Variants in CHRNA10 observed in about 807,000 individuals in gnomAD.
The protein encoded by CHRNA10 is neuronal acetylcholine receptor subunit alpha-10.
A neutral mutation model predicts 36.0 loss-of-function variants in CHRNA10; 31 were observed. The ratio of observed to expected loss-of-function variants is 0.86; its 90% confidence interval spans 0.65 to 1.16. The LOEUF (loss-of-function observed/expected upper bound fraction) is 1.16, where lower values mean the gene tolerates loss of function less well. Among genes scored for constraint, CHRNA10 ranks in the 50% most tolerant of loss-of-function variants. The pLI is 0.00. For missense variants in CHRNA10, 648 were observed against 640.9 expected, an observed-to-expected ratio of 1.01 and a Z score of -0.12; for synonymous variants, 302 against 287.0, an observed-to-expected ratio of 1.05 and a Z score of -0.53.
In CHRNA10 at chr11:3,667,492, C is replaced by T. The variant is rs1385246856; in HGVS notation, c.635G>A (p.Arg212His). 2.5e-6 allele frequency: 4 copies of T among 1,581,010 alleles called. No homozygotes were observed. The highest frequency in any genetic ancestry group is 1.1e-5 in the South Asian group (1 of 89,186). ...GGAGCAGCAGCCGTAGGTGAGCACG[C>T]GCCGCCGCGCCGGCATGCCCAGCAC... Reference protein sequence around the residue: ...WRVLGMPARRRVLTYGCCSEP... With the variant: ...WRVLGMPARRHVLTYGCCSEP... The change falls in exon 4 of 5, where the codon CGC (arginine) becomes CAC (histidine). Residue 212 changes from arginine (R) to histidine (H), a missense_variant. Transcript: ENST00000250699.
In CHRNA10 at chr11:3,669,863, G is replaced by A. The variant is rs57652919; in HGVS notation, c.140C>T (p.Pro47Leu). 1.2e-6 allele frequency: 2 copies of A among 1,614,112 alleles called. No homozygotes were observed. The highest frequency in any genetic ancestry group is 4.5e-5 in the East Asian group (2 of 44,880). ...LFANYTSALR[P>L]VADTDQTLNV... ...CAGAGTCTGGTCTGTGTCTGCCACA[G>A]GTCTCAGGGCACTTGTGTAGTTGGC... The change falls in exon 2 of 5, where the codon CCT becomes CTT. Residue 47 changes from proline (P) to leucine (L), a missense_variant. By Grantham distance (98) the Pro-to-Leu change is moderately conservative. Transcript: ENST00000250699.
intron 2 of CHRNA10, 39 bp downstream of exon 2, chr11:3,669,757 C>T (rs1564790258): frequency 3.1e-6 from 5 of 1,612,064 alleles, no homozygotes; most frequent in Non-Finnish European, 4.2e-6. Flanking sequence ...GACACTGTGA[C>T]AGGTAAGACT....
intron 3 of CHRNA10, 99 bp from the exon 4 acceptor site, chr11:3,667,863 C>T: frequency 9.5e-7 from 1 of 1,054,610 alleles, no homozygotes; most frequent in Non-Finnish European, 1.3e-6. Flanking sequence ...CTGAAAGAAA[C>T]CAAAACTTCT....
chr11:3,665,883 CCT>C lies in CHRNA10; in HGVS notation c.*222_*223del, dbSNP rs1254230214. The C allele has an allele frequency of 2.1e-5, 10 of 478,246 alleles. No individual in the cohort carries two copies. The highest frequency in any genetic ancestry group is 2.9e-5 in the Non-Finnish European group (8 of 273,508). 29.6% of individuals were successfully genotyped at this position (478,246 alleles called of 1,614,324 possible). A position where few individuals can be genotyped will look rare whatever the true frequency, so the allele number is the denominator to read the frequency against. ...CTGTGATCTTGGCCTTTGTAGAGTT[CCT>C]CTTTTTTTTGGAATTAGGGGAGTGG... On this transcript the variant is annotated 3_prime_UTR_variant, in exon 5 of 5. Coordinates refer to ENST00000250699, the MANE Select transcript of CHRNA10 (RefSeq NM_020402.4).
At position 3,669,887 on chromosome 11, in the gene CHRNA10, G is replaced by A. The variant is rs760908196; in HGVS notation, c.116C>T (p.Ala39Val). The A allele has an allele frequency of 6.2e-7, 1 of 1,614,130 alleles. No homozygotes were observed. The highest frequency in any genetic ancestry group is 1.1e-5 in the South Asian group (1 of 91,082). Residue 39 changes from alanine to valine, a missense_variant, in exon 2 of 5, where the codon GCC becomes GTC. Transcript: ENST00000250699. ...AGGTCTCAGGGCACTTGTGTAGTTG[G>A]CAAAGAGGTCACGGAACAGCTTGAG... ...LALKLFRDLF[A>V]NYTSALRPVA...
At position 3,667,271 on chromosome 11, in the gene CHRNA10, C is replaced by A. The variant is rs748997800; in HGVS notation, c.856G>T (p.Ala286Ser). The A allele has an allele frequency of 6.3e-7, 1 of 1,596,142 alleles. No individual in the cohort carries two copies. Among genetic ancestry groups the A allele is most frequent in the East Asian group, 2.2e-5 (1 of 44,696 alleles). ...LALTVFQLLL[A>S]ESMPPAESVP... ...CTCTCGGCCGGTGGCATGCTCTCGG[C>A]CAGCAGCAACTGGAAGACGGTGAGC... The change falls in exon 4 of 5, where the codon GCC (alanine) becomes TCC (serine). Residue 286 changes from alanine to serine, a missense_variant. Coordinates refer to ENST00000250699, the MANE Select transcript of CHRNA10 (RefSeq NM_020402.4).
At chr11:3,669,748 A>G (rs556520896) in intron 2 of CHRNA10, 48 bp downstream of exon 2, 1 of 1,609,314 alleles carries the variant, frequency 6.2e-7, no homozygotes, top group South Asian at 1.1e-5. Context: ...TCATTTCTTG[A>G]CACTGTGACA....
intron 1 of CHRNA10, 32 bp from the exon 2 acceptor site, chr11:3,669,973 C>T (rs2077702175): frequency 1.2e-6 from 2 of 1,613,576 alleles, no homozygotes; most frequent in Non-Finnish European, 1.7e-6. Context: ...TTGTCCATCC[C>T]AGGCCCTAGT....
intron 4 of CHRNA10, among the ~76,000 whole-genome samples, chr11:3,666,968 C>T (rs2077666990): frequency 6.6e-6 from 1 of 152,200 alleles, no homozygotes; most frequent in Non-Finnish European, 1.5e-5. Flanking sequence ...GAGTGCCTGG[C>T]ACACAGCAAG....
At position 3,667,543 on chromosome 11, in the gene CHRNA10, T is replaced by A. The variant is rs1363272351; in HGVS notation, c.584A>T (p.Asp195Val). 5 of 1,582,784 alleles carry A rather than the reference T, an allele frequency of 3.2e-6. No individual in the cohort carries two copies. The East Asian group carries it at 9.2e-5, about 29-fold the overall frequency. ...GCGCCACTCCACGTTCTCCACGAAG[T>A]CCGCCAGGCTGGCTGCAGCGCCGCG... ...RPRGAAASLADFVENVEWRVL... is the reference protein window; with the variant it reads ...RPRGAAASLAVFVENVEWRVL... The change falls in exon 4 of 5, where the codon GAC becomes GTC. Residue 195 changes from aspartate (D) to valine (V), a missense_variant. By Grantham distance (152) the Asp-to-Val change is radical. Coordinates refer to ENST00000250699, the MANE Select transcript of CHRNA10 (RefSeq NM_020402.4).
Position 3,667,413 on chromosome 11 carries a change from G to GGCGGCGGC in CHRNA10, c.706_713dup (p.Tyr239ProfsTer71), listed in dbSNP as rs1224683978. 20 of 1,598,626 alleles carry GGCGGCGGC rather than the reference G, an allele frequency of 1.3e-5. No homozygotes were observed. The highest frequency in any genetic ancestry group is 6.7e-5 in the Admixed American group (4 of 59,668). On this transcript the variant is annotated frameshift_variant, in exon 4 of 5. Coordinates refer to ENST00000250699, the MANE Select transcript of CHRNA10 (RefSeq NM_020402.4). LOFTEE classifies it high-confidence loss of function. ...AGGGCAGCAGCAGGTTGCACACGTA[G>GGCGGCGGC]GCGGCGGCGCGGCGGCGCAGCAGCA...
rs2077658363 is a variant in CHRNA10 at position 3,666,213 on chromosome 11, T to C, written c.1247A>G (p.His416Arg). Residue 416 changes from histidine (H) to arginine (R), a missense_variant, in exon 5 of 5, where the codon CAT (histidine) becomes CGT (arginine). By Grantham distance (29) the His-to-Arg change is conservative. Coordinates refer to ENST00000250699, the MANE Select transcript of CHRNA10 (RefSeq NM_020402.4). ...FRSHRAAQRCHEDWKRLARVM... is the reference protein window; with the variant it reads ...FRSHRAAQRCREDWKRLARVM... ...ACGGGCCAGGCGCTTCCAGTCCTCA[T>C]GGCAGCGCTGGGCAGCTCGGTGGCT... is the stretch of plus-strand genomic sequence containing the variant. The C allele has an allele frequency of 1.2e-6, 2 of 1,614,078 alleles. No homozygotes were observed. Among genetic ancestry groups the C allele is most frequent in the Non-Finnish European group, 1.7e-6 (2 of 1,180,002 alleles).
Position 3,667,519 on chromosome 11 carries a change from C to G in CHRNA10, c.608G>C (p.Arg203Pro). ...CCGCCGCGCCGGCATGCCCAGCACG[C>G]GCCACTCCACGTTCTCCACGAAGTC... Reference protein sequence around the residue: ...LADFVENVEWRVLGMPARRRV... With the variant: ...LADFVENVEWPVLGMPARRRV... The change falls in exon 4 of 5, where the codon CGC (arginine) becomes CCC (proline). Residue 203 changes from arginine (R) to proline (P), a missense_variant. By Grantham distance (103) the Arg-to-Pro change is moderately radical (BLOSUM62 -2). Coordinates refer to ENST00000250699, the MANE Select transcript of CHRNA10 (RefSeq NM_020402.4). 3 of 1,585,356 alleles carry G rather than the reference C, an allele frequency of 1.9e-6. No homozygotes were observed. Among genetic ancestry groups the G allele is most frequent in the African/African-American group, 1.4e-5 (1 of 73,806 alleles).
At position 3,669,330 on chromosome 11, in the gene CHRNA10, C is replaced by T; in HGVS notation, c.228G>A (p.Leu76=). The change falls in exon 3 of 5, where the codon CTG becomes CTA. Residue 76 remains leucine (L), a synonymous_variant. Transcript: ENST00000250699. ...IIDMDERNQV[L]TLYLWIRQEW... Reference sequence around the variant, plus strand: ...CCTGCCGTATCCACAGATACAGGGTCAGCACCTGGTTCCGTTCATCCTAGT... The same window carrying T: ...CCTGCCGTATCCACAGATACAGGGTTAGCACCTGGTTCCGTTCATCCTAGT... 1 of 1,613,888 alleles carries T rather than the reference C, an allele frequency of 6.2e-7. No homozygotes were observed.
At position 3,667,520 on chromosome 11, in the gene CHRNA10, G is replaced by A. The variant is rs1208020769; in HGVS notation, c.607C>T (p.Arg203Cys). 5 of 1,585,298 alleles carry A rather than the reference G, an allele frequency of 3.2e-6. No homozygotes were observed. The highest frequency in any genetic ancestry group is 4.3e-6 in the Non-Finnish European group (5 of 1,172,608). The change falls in exon 4 of 5, where the codon CGC (arginine) becomes TGC (cysteine). Residue 203 changes from arginine (R) to cysteine (C), a missense_variant. Coordinates refer to ENST00000250699, the MANE Select transcript of CHRNA10 (RefSeq NM_020402.4). The part of the protein sequence containing the change: ...LADFVENVEW[R>C]VLGMPARRRV... ...CGCCGCGCCGGCATGCCCAGCACGC[G>A]CCACTCCACGTTCTCCACGAAGTCC...
At chr11:3,669,063 G>C (rs1200471449) in intron 3 of CHRNA10, 133 bp downstream of exon 3, 2 of 992,494 alleles carry the variant, frequency 2.0e-6, no homozygotes, top group Non-Finnish European at 2.9e-6. Flanking sequence ...AGCTTAGAAG[G>C]GTCCTGGGGA....
Position 3,667,768 on chromosome 11 carries a change from G to C in CHRNA10, c.363-4C>G, listed in dbSNP as rs1469946641. ...ACCTGGAGGCTGCGCGTCGGCTCTGGGGGCAGGCGGGGCAGGGCTCACCTA... is the reference window on the plus strand; with the variant it reads ...ACCTGGAGGCTGCGCGTCGGCTCTGCGGGCAGGCGGGGCAGGGCTCACCTA... On this transcript the variant is annotated splice_polypyrimidine_tract_variant and splice_region_variant and intron_variant, in intron 3 of 4. Coordinates refer to ENST00000250699, the MANE Select transcript of CHRNA10 (RefSeq NM_020402.4). The C allele has an allele frequency of 4.0e-6, 6 of 1,502,920 alleles. No individual in the cohort carries two copies. The highest frequency in any genetic ancestry group is 2.8e-5 in the African/African-American group (2 of 70,292). 93.1% of individuals were successfully genotyped at this position (1,502,920 alleles called of 1,614,324 possible).
chr11:3,667,686 C>T lies in CHRNA10; in HGVS notation c.441G>A (p.Pro147=), dbSNP rs1195017483. ...CGCGGCACGAGCTGCGCGTGATGGC[C>T]GGCGCGTCCCAGCGCACGGCGCCAT... ...RHDGAVRWDA[P]AITRSSCRVD... The change falls in exon 4 of 5, where the codon CCG becomes CCA. Residue 147 remains proline, a synonymous_variant. Transcript: ENST00000250699. 6 of 1,569,870 alleles carry T rather than the reference C, an allele frequency of 3.8e-6. No homozygotes were observed. Among genetic ancestry groups the T allele is most frequent in the Admixed American group, 3.5e-5 (2 of 56,674 alleles).
intron 4 of CHRNA10, 128 bp downstream of exon 4, chr11:3,667,104 C>T (rs1167109102): frequency 1.3e-5 from 18 of 1,375,610 alleles, no homozygotes; most frequent in Middle Eastern, 2.7e-4. Flanking sequence ...AAAATGAGGG[C>T]ACGTTCCCAG....
Sources: allele counts gnomAD v4.1 joint callset (sites outside exome capture counted in the v4.1 genomes callset), GRCh38; gene constraint gnomAD v4.1.1; transcripts MANE v1.5; gene names NCBI Gene and HGNC (gene_info 2026-07-23, HGNC 2026-07-21).